Variants in KCTD2 observed in about 807,000 individuals in gnomAD.
The protein encoded by KCTD2 is potassium channel tetramerization domain containing 2, also known as BTB/POZ domain-containing protein KCTD2.
In KCTD2, 18 loss-of-function variants were observed where a neutral mutation model predicts 27.9. That is an observed-to-expected ratio of 0.64 (90% CI 0.45 to 0.96). KCTD2 has a LOEUF of 0.96. Among genes scored for constraint, KCTD2 ranks in the 40% least tolerant of loss-of-function variants. The pLI, the probability that KCTD2 is intolerant of heterozygous loss-of-function variation, is 0.00. For synonymous variants in KCTD2, 175 were observed against 148.4 expected (o/e 1.18, Z -1.30); for missense variants, 280 against 348.0 (o/e 0.80, Z 1.56).
At chr17:75,062,410 T>C (rs906172991) in intron 5 of KCTD2, among the ~76,000 whole-genome samples, 165 bp downstream of exon 5, 2 of 152,198 alleles carry the variant, frequency 1.3e-5, no homozygotes, top group East Asian at 3.9e-4. Context: ...TTAATTGGGA[T>C]TTACGGAGCA....
At chr17:75,047,690 C>A in intron 1 of KCTD2, 101 bp downstream of exon 1, 3 of 1,274,894 alleles carry the variant, frequency 2.4e-6, no homozygotes, top group South Asian at 1.4e-5. Context: ...AGGCAGCCCC[C>A]TCAGGCCGGG....
At chr17:75,054,585 C>T (rs1229516680) in intron 3 of KCTD2, among the ~76,000 whole-genome samples, 1 of 152,076 alleles carries the variant, frequency 6.6e-6, no homozygotes, top group Non-Finnish European at 1.5e-5. Flanking sequence ...ACGGGCAGAT[C>T]ATGAGGTCAG....
chr17:75,054,290 G>A (rs978372588), intron 3 of KCTD2, among the ~76,000 whole-genome samples: 7 of 152,114 alleles, frequency 4.6e-5, no homozygotes, highest in Admixed American at 6.6e-5. Flanking sequence ...TGGAATTACA[G>A]GTGTGAGCTA....
intron 3 of KCTD2, chr17:75,041,463 A>AT: frequency 6.6e-6 from 1 of 151,134 alleles, no homozygotes; most frequent in Non-Finnish European, 1.5e-5. Context: ...AAAAAAAAAA[A>AT]CAAAACGAAA....
chr17:75,050,306 G>T (rs2073271464), intron 2 of KCTD2, among the ~76,000 whole-genome samples: 2 of 151,610 alleles, frequency 1.3e-5, no homozygotes, highest in South Asian at 4.1e-4. Flanking sequence ...TCTTCGCTCA[G>T]GCTGGAGTGC....
chr17:75,035,740 G>A (rs1347534001), intron 3 of KCTD2, among the ~76,000 whole-genome samples: 2 of 152,188 alleles, frequency 1.3e-5, no homozygotes, highest in African/African-American at 4.8e-5. Flanking sequence ...GGAGGCAGCA[G>A]GAGAATCGCT....
chr17:75,038,790 C>T, intron 3 of KCTD2: 2 of 992,194 alleles, frequency 2.0e-6, no homozygotes, highest in Non-Finnish European at 2.9e-6. Flanking sequence ...AAACAAAAAC[C>T]CCGCTGCCAG....
At chr17:75,056,945 C>CTTTTTTCTTTTTTTTTTTTTTTTTT (rs2073355852) in intron 3 of KCTD2, among the ~76,000 whole-genome samples, 2 of 128,496 alleles carry the variant, frequency 1.6e-5, no homozygotes, top group African/African-American at 2.8e-5. Flanking sequence ...CTTTTTTTTT[C>CTTTTTTCTTTTTTTTTTTTTTTTTT]TTTTTTCTTT....
rs186071105 is a variant in KCTD2, at chr17:75,058,869, G to A, written c.541-641G>A. 1.5e-3 allele frequency among the ~76,000 whole-genome samples: 225 copies of A among 151,634 alleles called. 1 individual carries two copies. Among genetic ancestry groups the A allele is most frequent in the African/African-American group, 4.3e-3 (176 of 41,336 alleles). On this transcript the variant is annotated intron_variant, in intron 3 of 5. Coordinates refer to ENST00000322444, the MANE Select transcript of KCTD2 (RefSeq NM_015353.3). The stretch of plus-strand genomic sequence containing the variant: ...TCCCAGCACTTTGGGAGGCCGAGGC[G>A]GGTGGATCACGAGGTCAGGAGATCG...
At chr17:75,047,047 A>C, upstream of KCTD2, 11 of 250,716 alleles carry the variant, frequency 4.4e-5, no homozygotes, top group Non-Finnish European at 6.1e-5. Context: ...ATCAGCCAAT[A>C]GAGATGAGGG....
intron 4 of KCTD2, among the ~76,000 whole-genome samples, chr17:75,060,083 A>G (rs984341764): frequency 2.0e-5 from 3 of 152,054 alleles, no homozygotes. Flanking sequence ...CGTTTCCCCT[A>G]CTTCTCTCCG....
chr17:75,060,071 G>T (rs1285648992), intron 4 of KCTD2, among the ~76,000 whole-genome samples: 2 of 152,100 alleles, frequency 1.3e-5, no homozygotes, highest in East Asian at 3.8e-4. Context: ...GTGTGGTGCG[G>T]CCGTTTCCCC....
At chr17:75,059,667 C>A in intron 4 of KCTD2, 62 bp downstream of exon 4, 1 of 1,320,654 alleles carries the variant, frequency 7.6e-7, no homozygotes, top group Non-Finnish European at 1.1e-6. Context: ...GCTCTTCAAA[C>A]AATCAGTGTG....
At chr17:75,041,936 C>T in intron 3 of KCTD2, 1 of 422,738 alleles carries the variant, frequency 2.4e-6, no homozygotes, top group Non-Finnish European at 4.2e-6. Flanking sequence ...CAGGTCAAAA[C>T]TCCTGTGCTG....
At chr17:75,035,069 A>C (rs1010777189) in intron 2 of KCTD2, among the ~76,000 whole-genome samples, 8 of 152,102 alleles carry the variant, frequency 5.3e-5, no homozygotes, top group African/African-American at 1.9e-4. Context: ...CGGAGCGTTT[A>C]ATGGCCATCA....
chr17:75,044,968 A>C (rs752321048), upstream of KCTD2, among the ~76,000 whole-genome samples: 2 of 152,154 alleles, frequency 1.3e-5, no homozygotes, highest in Non-Finnish European at 2.9e-5. Context: ...CCAGGGAACC[A>C]AGCACCCTTA....
Position 75,047,324 on chromosome 17 carries a change from G to C in KCTD2, c.74G>C (p.Gly25Ala). ...GGCGGGAGTGGGGTGGGCGACGGGG[G>C]TGGCCCAGTCCGCGGGCCCCCCAGC... is the stretch of plus-strand genomic sequence containing the variant. ...GGGGSGVGDGGGPVRGPPSPR... is the reference protein window; with the variant it reads ...GGGGSGVGDGAGPVRGPPSPR... The change falls in exon 1 of 6, where the codon GGT (glycine) becomes GCT (alanine). Residue 25 changes from glycine to alanine, a missense_variant. Physicochemically the swap from Gly to Ala is moderately conservative, Grantham distance 60. Coordinates refer to ENST00000322444, the MANE Select transcript of KCTD2 (RefSeq NM_015353.3). 1 of 1,158,626 alleles carries C rather than the reference G, an allele frequency of 8.6e-7. No individual in the cohort carries two copies. Among genetic ancestry groups the C allele is most frequent in the Non-Finnish European group, 1.1e-6 (1 of 940,856 alleles). The allele number at this position is 1,158,626 out of a possible 1,614,324, so 71.8% of individuals were successfully genotyped here. A position where few individuals can be genotyped will look rare whatever the true frequency, so the allele number is the denominator to read the frequency against.
chr17:75,062,066 C>T (rs182503158), intron 4 of KCTD2, 54 bp from the exon 5 acceptor site: 140 of 1,606,844 alleles, frequency 8.7e-5, no homozygotes, highest in Admixed American at 2.0e-4. Flanking sequence ...GTAGCACTTT[C>T]GAAAGTATGT....
At position 75,035,875 on chromosome 17, in the gene KCTD2, G is replaced by A. The variant is rs144818540; in HGVS notation, c.-259+518G>A. ...AACAAACAAAAAACTCCAGTCCCTAGCCTCAAGGGCAGTGGGGGTGCTGCC... is the reference window on the plus strand; with the variant it reads ...AACAAACAAAAAACTCCAGTCCCTAACCTCAAGGGCAGTGGGGGTGCTGCC... On this transcript the variant is annotated intron_variant, in intron 3 of 7. Transcript: ENST00000581589. Among the ~76,000 whole-genome samples, 208 of 152,170 alleles carry A rather than the reference G, an allele frequency of 1.4e-3. 1 individual carries two copies. Among genetic ancestry groups the A allele is most frequent in the African/African-American group, 4.7e-3 (194 of 41,522 alleles).
Sources: gnomAD v4.1 joint callset for allele counts (sites outside exome capture counted in the v4.1 genomes callset) on GRCh38, gnomAD v4.1.1 for gene constraint, MANE v1.5 for transcripts, NCBI Gene and HGNC (gene_info 2026-07-23, HGNC 2026-07-21) for gene names.